Variants in ABCB7 observed in about 807,000 individuals in gnomAD.
The protein encoded by ABCB7 is ATP binding cassette subfamily B member 7, also known as iron-sulfur clusters transporter ABCB7, mitochondrial.
Under a neutral mutation model 54.4 loss-of-function variants are expected in ABCB7, and 7 were observed. The observed-to-expected ratio is 0.13, with a 90% CI of 0.07 to 0.24. ABCB7 has a LOEUF of 0.24. Among genes scored for constraint, ABCB7 ranks in the 10% least tolerant of loss-of-function variants. The pLI is 1.00. For synonymous variants in ABCB7, 218 were observed against 207.1 expected (o/e 1.05, Z -0.45); for missense variants, 356 against 570.4 (o/e 0.62, Z 3.83).
chrX:75,111,271 A>G (rs2081758279), intron 3 of ABCB7, among the ~76,000 whole-genome samples: 1 of 112,420 alleles, frequency 8.9e-6, no homozygotes, highest in Non-Finnish European at 1.9e-5. Context: ...CACAGAGTTT[A>G]GCACAAAGAA....
At chrX:75,097,347 T>A (rs183303855) in intron 4 of ABCB7, 6 of 111,887 alleles carry the variant, frequency 5.4e-5, no homozygotes, top group African/African-American at 1.9e-4. Flanking sequence ...ATCTCAGATG[T>A]CATCTCCTCT....
At chrX:75,122,209 G>A (rs773077874) in intron 1 of ABCB7, among the ~76,000 whole-genome samples, 3 of 111,731 alleles carry the variant, frequency 2.7e-5, no homozygotes, top group Non-Finnish European at 5.6e-5. Flanking sequence ...ACAGATTGCA[G>A]TAAAGAAGCC....
chrX:75,134,798 A>G (rs1413469808), intron 1 of ABCB7, among the ~76,000 whole-genome samples: 2 of 111,938 alleles, frequency 1.8e-5, no homozygotes, highest in Non-Finnish European at 3.8e-5. Flanking sequence ...GATACAACAT[A>G]CCAGAATCTC....
chrX:75,148,916 A>G (rs1456202908), intron 1 of ABCB7, among the ~76,000 whole-genome samples: 1 of 111,982 alleles, frequency 8.9e-6, no homozygotes, highest in Non-Finnish European at 1.9e-5. Context: ...CTACAGTCAG[A>G]GTAGTTGAAG....
At chrX:75,096,814 C>T (rs775259893) in intron 4 of ABCB7, among the ~76,000 whole-genome samples, 2 of 109,938 alleles carry the variant, frequency 1.8e-5, no homozygotes, top group South Asian at 8.0e-4. Context: ...TAACAGTTGA[C>T]CCATTGCTAA....
chrX:75,134,227 C>G (rs939667366), intron 1 of ABCB7, among the ~76,000 whole-genome samples: 7 of 111,443 alleles, frequency 6.3e-5, no homozygotes, highest in Non-Finnish European at 1.1e-4. Flanking sequence ...TCAAAAAGGA[C>G]AAAGAAGGGC....
At chrX:75,099,093 A>G (rs1437025487) in intron 3 of ABCB7, 32 bp from the exon 4 acceptor site, 1 of 1,189,203 alleles carries the variant, frequency 8.4e-7, no homozygotes, top group Non-Finnish European at 1.1e-6. Flanking sequence ...AGCAGTGAAT[A>G]ACATGTCATT....
At chrX:75,149,420 C>T (rs2082116100) in intron 1 of ABCB7, among the ~76,000 whole-genome samples, 2 of 111,924 alleles carry the variant, frequency 1.8e-5, no homozygotes. Flanking sequence ...ACCACGGTAC[C>T]ATATGCCTAA....
chrX:75,126,227 T>C (rs769453609), intron 1 of ABCB7, among the ~76,000 whole-genome samples: 5 of 111,993 alleles, frequency 4.5e-5, no homozygotes, highest in Admixed American at 9.5e-5. Flanking sequence ...ACAAAAAGGA[T>C]TGTATCTTCC....
At chrX:75,078,864 G>A (rs150039596) in intron 4 of ABCB7, among the ~76,000 whole-genome samples, 1 of 111,928 alleles carries the variant, frequency 8.9e-6, no homozygotes, top group African/African-American at 3.2e-5. Context: ...AGCTATAGCT[G>A]TAAAGTATAT....
At chrX:75,143,753 T>C (rs2082071516) in intron 1 of ABCB7, among the ~76,000 whole-genome samples, 1 of 110,465 alleles carries the variant, frequency 9.1e-6, no homozygotes, top group Admixed American at 9.7e-5. Context: ...AGGGATACTC[T>C]CCCTTATAAA....
chrX:75,123,548 G>T (rs1235994713), intron 1 of ABCB7, among the ~76,000 whole-genome samples: 1 of 111,623 alleles, frequency 9.0e-6, no homozygotes, highest in African/African-American at 3.3e-5. Context: ...TTTTTCTATT[G>T]CTGTGAAAAA....
chrX:75,059,567 CATA>C (rs767277136), intron 15 of ABCB7, among the ~76,000 whole-genome samples: 26 of 110,400 alleles, frequency 2.4e-4, no homozygotes, highest in African/African-American at 7.9e-4. Context: ...TGGAAAACTG[CATA>C]ATGTTAGAAA....
chrX:75,086,132 C>T (rs1471796941), intron 4 of ABCB7, among the ~76,000 whole-genome samples: 1 of 111,168 alleles, frequency 9.0e-6, no homozygotes, highest in Non-Finnish European at 1.9e-5. Context: ...CAGGTATGAG[C>T]CACCATGCCC....
At chrX:75,153,606 C>T (rs1336100970) in intron 1 of ABCB7, among the ~76,000 whole-genome samples, 2 of 107,762 alleles carry the variant, frequency 1.9e-5, no homozygotes, top group African/African-American at 3.4e-5. Flanking sequence ...GAGGTCAGAC[C>T]AACAAATGAA....
chrX:75,132,701 C>T (rs2081983887), intron 1 of ABCB7, among the ~76,000 whole-genome samples: 1 of 112,665 alleles, frequency 8.9e-6, no homozygotes, highest in African/African-American at 3.2e-5. Flanking sequence ...CTTTAAGTAT[C>T]ATCTGGATTA....
chrX:75,135,048 A>C (rs2081999982), intron 1 of ABCB7, among the ~76,000 whole-genome samples: 1 of 110,803 alleles, frequency 9.0e-6, no homozygotes, highest in Non-Finnish European at 1.9e-5. Context: ...GTTCTTCAAA[A>C]GAATAAATAA....
rs1159088184 is a variant in ABCB7 at position 75,053,455 on chromosome X, T to G, written c.2174A>C (p.Glu725Ala). ...HDNPKWEAKK[E>A]NISKEEERKK... ...TCTTTCCTCCTCTTTGGATATATTT[T>G]CTTTCTTTGCTTCCCATTTGGGGTT... Residue 725 changes from glutamate to alanine, a missense_variant, in exon 16 of 16, where the codon GAA becomes GCA. By Grantham distance (107) the Glu-to-Ala change is moderately radical. Coordinates refer to ENST00000373394, the MANE Select transcript of ABCB7 (RefSeq NM_001271696.3). 8.3e-7 allele frequency: 1 copy of G among 1,211,347 alleles called. No individual in the cohort carries two copies. The highest frequency in any genetic ancestry group is 1.1e-6 in the Non-Finnish European group (1 of 895,026).
chrX:75,073,626 A>T, intron 8 of ABCB7, 63 bp downstream of exon 8: 1 of 907,061 alleles, frequency 1.1e-6, no homozygotes, highest in Non-Finnish European at 1.6e-6. Context: ...CTATTAAATT[A>T]AATGGTAGAT....
Sources: gnomAD v4.1 joint callset for allele counts (sites outside exome capture counted in the v4.1 genomes callset) on GRCh38, gnomAD v4.1.1 for gene constraint, MANE v1.5 for transcripts, NCBI Gene and HGNC (gene_info 2026-07-23, HGNC 2026-07-21) for gene names.